Variants in RYR2 observed in about 807,000 individuals in gnomAD.
The protein encoded by RYR2 is ryanodine receptor 2, also known as cardiac muscle ryanodine receptor-calcium release channel.
A neutral mutation model predicts 601.1 loss-of-function variants in RYR2; 227 were observed. The ratio of observed to expected loss-of-function variants is 0.38; its 90% CI spans 0.34 to 0.42. The LOEUF (loss-of-function observed/expected upper bound fraction) is 0.42, where lower values mean the gene tolerates loss of function less well. Among genes scored for constraint, RYR2 ranks in the 10% least tolerant of loss-of-function variants. RYR2 has a pLI of 1.00. For missense variants in RYR2, 4,646 were observed against 6,156.5 expected, an observed-to-expected ratio of 0.75 and a Z score of 8.21; for synonymous variants, 2,223 against 2,175.1, an observed-to-expected ratio of 1.02 and a Z score of -0.61.
At chr1:237,723,086 G>C (rs756686422) in intron 73 of RYR2, 42 bp from the exon 74 acceptor site, 1 of 1,564,308 alleles carries the variant, frequency 6.4e-7, no homozygotes, top group Non-Finnish European at 8.7e-7. Context: ...CTTGTTTTTA[G>C]ATTCCCATCT....
At chr1:237,158,710 A>G (rs1304093868) in intron 1 of RYR2, among the ~76,000 whole-genome samples, 2 of 152,172 alleles carry the variant, frequency 1.3e-5, no homozygotes, top group African/African-American at 4.8e-5. Flanking sequence ...GGCAAGAATC[A>G]CGTCCAGGTT....
At position 237,568,919 on chromosome 1, in the gene RYR2, T is replaced by A. The variant is rs80116093; in HGVS notation, c.3424-226T>A. On this transcript the variant is annotated intron_variant, in intron 28 of 104. Coordinates refer to ENST00000366574, the MANE Select transcript of RYR2 (RefSeq NM_001035.3). ...AAATCATGACATAGATTTTGGATTT[T>A]TTTCCCAAGATTCGATAATATACCA... Among the ~76,000 whole-genome samples the A allele has an allele frequency of 0.025, 3,758 of 152,268 alleles. 151 individuals are homozygous for A. Among genetic ancestry groups the A allele is most frequent in the African/African-American group, 0.085 (3,531 of 41,530 alleles).
chr1:237,683,310 C>T (rs1021234708), intron 62 of RYR2, among the ~76,000 whole-genome samples: 3 of 152,144 alleles, frequency 2.0e-5, no homozygotes, highest in Admixed American at 6.5e-5. Context: ...CTTCCTGGCA[C>T]AAGAAATTAT....
chr1:237,070,243 G>T (rs1005234366), intron 1 of RYR2, among the ~76,000 whole-genome samples: 8 of 151,680 alleles, frequency 5.3e-5, no homozygotes, highest in Non-Finnish European at 1.2e-4. Context: ...TTTCTTGCAG[G>T]CTGACTTGAA....
chr1:237,806,121 C>T lies in RYR2; in HGVS notation c.14152-16C>T, dbSNP rs764414769. On this transcript the variant is annotated splice_polypyrimidine_tract_variant and intron_variant, in intron 98 of 104. Transcript: ENST00000366574. ...TGTTTTCTGACATGTTCTTTCCCCC[C>T]GTTTTGTCTTAATAGTCCTTCCTCT... The T allele has an allele frequency of 4.5e-5, 72 of 1,610,454 alleles. No homozygotes were observed. The highest frequency in any genetic ancestry group is 1.2e-4 in the African/African-American group (9 of 74,836).
chr1:237,452,289 ATAAT>A (rs57391440), intron 14 of RYR2, among the ~76,000 whole-genome samples: 75,011 of 144,470 alleles, frequency 0.52, 20,886 homozygotes, highest in East Asian at 0.74. Context: ...AATAGCATAT[ATAAT>A]TAATGGCATA....
chr1:237,671,480 C>T (rs146745427), intron 58 of RYR2, among the ~76,000 whole-genome samples: 1 of 151,780 alleles, frequency 6.6e-6, no homozygotes, highest in African/African-American at 2.4e-5. Context: ...GAATCTGTCA[C>T]CACCTGATGT....
intron 1 of RYR2, among the ~76,000 whole-genome samples, chr1:237,054,189 C>T (rs912364615): frequency 6.7e-6 from 1 of 150,234 alleles, no homozygotes; most frequent in Admixed American, 6.6e-5. Flanking sequence ...CCCTCCCTCC[C>T]TTCTTCCCTT....
intron 29 of RYR2, among the ~76,000 whole-genome samples, chr1:237,570,187 C>T (rs1486930217): frequency 7.0e-6 from 1 of 143,740 alleles, no homozygotes; most frequent in African/African-American, 2.6e-5. Flanking sequence ...CATGGCACTC[C>T]AGCCTGGGCA....
chr1:237,692,960 C>T (rs1304655810), intron 63 of RYR2, among the ~76,000 whole-genome samples: 1 of 152,120 alleles, frequency 6.6e-6, no homozygotes, highest in Admixed American at 6.5e-5. Context: ...AAGTCTGGCA[C>T]ACAGTAAATA....
intron 1 of RYR2, among the ~76,000 whole-genome samples, chr1:237,104,254 A>G (rs1668432538): frequency 6.6e-6 from 1 of 152,020 alleles, no homozygotes; most frequent in South Asian, 2.1e-4. Flanking sequence ...TACATTTGGT[A>G]CTTGGAAGCA....
In RYR2 at chr1:237,589,853, A is replaced by C; in HGVS notation, c.3659A>C (p.Asp1220Ala). The C allele has an allele frequency of 6.2e-7, 1 of 1,613,850 alleles. No homozygotes were observed. The highest frequency in any genetic ancestry group is 8.5e-7 in the Non-Finnish European group (1 of 1,179,878). ...GTGGGTAGGATGAACTTTGGAAAGG[A>C]TGTCAGCACCTTGAAATATTTCACC... is the stretch of plus-strand genomic sequence containing the variant. ...AQVGRMNFGK[D>A]VSTLKYFTIC... is the part of the protein sequence containing the mutation. The change falls in exon 30 of 105, where the codon GAT becomes GCT. Residue 1220 changes from aspartate (D) to alanine (A), a missense_variant. This residue lies in a region of RYR2 where 1,807 missense variants were observed against 2,088.1 expected (regional missense o/e 0.87). Coordinates refer to ENST00000366574, the MANE Select transcript of RYR2 (RefSeq NM_001035.3).
At chr1:237,231,104 G>A (rs1684950916) in intron 1 of RYR2, among the ~76,000 whole-genome samples, 1 of 151,882 alleles carries the variant, frequency 6.6e-6, no homozygotes. Context: ...TTTCTAAGTG[G>A]TTGTATATCA....
chr1:237,123,191 C>T (rs1671003763), intron 1 of RYR2, among the ~76,000 whole-genome samples: 2 of 152,150 alleles, frequency 1.3e-5, no homozygotes, highest in Non-Finnish European at 2.9e-5. Context: ...ATATCATATA[C>T]TCCACACAGA....
At chr1:237,716,740 T>C (rs1689294868) in intron 71 of RYR2, among the ~76,000 whole-genome samples, 1 of 146,172 alleles carries the variant, frequency 6.8e-6, no homozygotes, top group Non-Finnish European at 1.5e-5. Flanking sequence ...TTATAATTGT[T>C]CTGATATATT....
rs758835308 is a variant in RYR2, at chr1:237,496,588, A to G, written c.2039A>G (p.Asp680Gly). The G allele has an allele frequency of 1.5e-5, 24 of 1,613,974 alleles. No individual in the cohort carries two copies. The Admixed American group carries it at 2.3e-4, about 16-fold the overall frequency. The change falls in exon 20 of 105, where the codon GAC becomes GGC. Residue 680 changes from aspartate (D) to glycine (G), a missense_variant. Coordinates refer to ENST00000366574, the MANE Select transcript of RYR2 (RefSeq NM_001035.3). The stretch of plus-strand genomic sequence containing the variant: ...AAATGGTACTATGAATTGATGGTGG[A>G]CCACACAGAGCCCTTTGTGACAGCT... Reference protein sequence around the residue: ...YKKWYYELMVDHTEPFVTAEA... With the variant: ...YKKWYYELMVGHTEPFVTAEA...
At chr1:237,436,478 T>TG (rs1707386560) in intron 12 of RYR2, among the ~76,000 whole-genome samples, 1 of 127,876 alleles carries the variant, frequency 7.8e-6, no homozygotes, top group East Asian at 2.3e-4. Flanking sequence ...TTTTTTTTTT[T>TG]GCATTTCTGT....
At chr1:237,428,118 T>C (rs1277982615) in intron 12 of RYR2, among the ~76,000 whole-genome samples, 1 of 152,172 alleles carries the variant, frequency 6.6e-6, no homozygotes, top group Non-Finnish European at 1.5e-5. Context: ...CTGGTGAGGC[T>C]GTGGAGAAAC....
At chr1:237,492,605 C>T (rs1663484498) in intron 18 of RYR2, among the ~76,000 whole-genome samples, 1 of 151,972 alleles carries the variant, frequency 6.6e-6, no homozygotes, top group Non-Finnish European at 1.5e-5. Flanking sequence ...ATTGGGGAAG[C>T]CAAGATGGGA....
Sources: allele counts gnomAD v4.1 joint callset (sites outside exome capture counted in the v4.1 genomes callset), GRCh38; gene constraint gnomAD v4.1.1; regional missense constraint gnomAD v4.1.1; transcripts MANE v1.5; gene names NCBI Gene and HGNC (gene_info 2026-07-23, HGNC 2026-07-21).